The following SH2B1 variants were observed in gnomAD, a reference collection of about 807,000 sequenced individuals.
The protein encoded by SH2B1 is SH2B adapter protein 1.
In SH2B1, 15 loss-of-function variants were observed where a neutral mutation model predicts 62.6. That is an observed-to-expected ratio of 0.24 (90% CI 0.16 to 0.37). The LOEUF is 0.37. Among genes scored for constraint, SH2B1 ranks in the 10% least tolerant of loss-of-function variants. SH2B1 has a pLI of 1.00. For missense variants in SH2B1, 925 were observed against 1,015.6 expected (o/e 0.91, Z 1.21); for synonymous variants, 443 against 438.0 (o/e 1.01, Z -0.14).
At chr16:28,846,958 A>G (rs1961986084) in intron 1 of SH2B1, 1 of 152,788 alleles carries the variant, frequency 6.5e-6, no homozygotes, top group African/African-American at 2.4e-5. Context: ...CCTGACATCT[A>G]GCCCTGAGAG....
chr16:28,855,798 C>G (rs1198047423), intron 1 of SH2B1, among the ~76,000 whole-genome samples: 1 of 141,280 alleles, frequency 7.1e-6, no homozygotes, highest in African/African-American at 2.6e-5. Context: ...CGCCAGCACG[C>G]CCGGCTAATT....
chr16:28,867,459 G>T, intron 2 of SH2B1, 27 bp downstream of exon 2: 1 of 1,556,496 alleles, frequency 6.4e-7, no homozygotes, highest in Non-Finnish European at 8.9e-7. Context: ...CCAGCCGCCG[G>T]CAGTGCTTGT....
At position 28,867,257 on chromosome 16, in the gene SH2B1, T is replaced by C. The variant is rs1296318486; in HGVS notation, c.940-74T>C. 4.5e-6 allele frequency: 6 copies of C among 1,319,904 alleles called. No individual in the cohort carries two copies. In the Admixed American group the frequency reaches 5.1e-5, roughly 11 times the overall value. The allele number at this position is 1,319,904 out of a possible 1,614,324, so 81.8% of individuals were successfully genotyped here. On this transcript the variant is annotated intron_variant, in intron 1 of 7. Transcript: ENST00000684370. ...CTTCCCGAGGATGTAGAAGGAAAGA[T>C]GAATGTCTGGAGGGAGGGGAAGAGT...
chr16:28,873,769 A>G lies in SH2B1; in HGVS notation c.2220A>G (p.Gly740=). The G allele has an allele frequency of 2.0e-6, 3 of 1,471,846 alleles. No individual in the cohort carries two copies. Among genetic ancestry groups the G allele is most frequent in the Non-Finnish European group, 1.8e-6 (2 of 1,112,714 alleles). The allele number at this position is 1,471,846 out of a possible 1,614,324, so 91.2% of individuals were successfully genotyped here. The part of the protein sequence containing the change: ...QLQQSPLGGD[G]EEGGHPRAIN... Reference sequence around the variant, plus strand: ...AGCAGTCACCACTAGGGGGTGATGGAGAGGAAGGGGGCCACCCCAGGGCCA... The same window carrying G: ...AGCAGTCACCACTAGGGGGTGATGGGGAGGAAGGGGGCCACCCCAGGGCCA... The change falls in exon 8 of 8, where the codon GGA becomes GGG. Residue 740 remains glycine, a synonymous_variant. Transcript: ENST00000684370. The surrounding 1 kb of genome is among the most constrained non-coding windows in gnomAD (Gnocchi z 4.2).
chr16:28,866,115 A>G lies in SH2B1; in HGVS notation c.21A>G (p.Pro7=). 2 of 1,577,398 alleles carry G rather than the reference A, an allele frequency of 1.3e-6. No homozygotes were observed. The highest frequency in any genetic ancestry group is 1.7e-6 in the Non-Finnish European group (2 of 1,164,968). ...CCATCATGAATGGTGCCCCTTCCCC[A>G]GAGGACGGGGCCTCCCCCTCGTCTC... MNGAPS[P]EDGASPSSPP... The change falls in exon 1 of 8, where the codon CCA becomes CCG. Residue 7 remains proline, a synonymous_variant. Coordinates refer to ENST00000684370, the MANE Select transcript of SH2B1 (RefSeq NM_001387430.1). The surrounding 1 kb of genome is among the most constrained non-coding windows in gnomAD (Gnocchi z 6.3).
intron 1 of SH2B1, among the ~76,000 whole-genome samples, chr16:28,847,733 C>T (rs1479474866): frequency 6.6e-6 from 1 of 151,282 alleles, no homozygotes; most frequent in Non-Finnish European, 1.5e-5. Flanking sequence ...GCAGGAGGAT[C>T]GCCTGAGCTC....
chr16:28,852,959 G>A (rs1240026829), intron 1 of SH2B1, among the ~76,000 whole-genome samples: 1 of 40,980 alleles, frequency 2.4e-5, no homozygotes, highest in Non-Finnish European at 5.1e-5. Flanking sequence ...TTTTATATAT[G>A]TACATATATA....
upstream of SH2B1, among the ~76,000 whole-genome samples, chr16:28,860,214 G>A (rs963698866): frequency 6.7e-6 from 1 of 150,352 alleles, no homozygotes; most frequent in African/African-American, 2.5e-5. Context: ...AAACTGTGTA[G>A]AACATCTCTC....
intron 1 of SH2B1, among the ~76,000 whole-genome samples, chr16:28,852,688 ATATT>A (rs1385567559): frequency 1.2e-5 from 1 of 80,868 alleles, no homozygotes; most frequent in Non-Finnish European, 2.2e-5. Flanking sequence ...ATTTACATAT[ATATT>A]TATATATATA....
At chr16:28,870,868 T>C (rs1962986565) in intron 4 of SH2B1, among the ~76,000 whole-genome samples, 1 of 152,022 alleles carries the variant, frequency 6.6e-6, no homozygotes. Flanking sequence ...TTATTTTTTG[T>C]AAGAGATGGG....
At chr16:28,860,647 C>A (rs1462379648), upstream of SH2B1, among the ~76,000 whole-genome samples, 1 of 152,144 alleles carries the variant, frequency 6.6e-6, no homozygotes, top group Non-Finnish European at 1.5e-5. Flanking sequence ...GTTATCAATG[C>A]CTTCTAGAGA....
Position 28,873,198 on chromosome 16 carries a change from G to C in SH2B1, c.1898-249G>C. 6.3e-7 allele frequency: 1 copy of C among 1,595,466 alleles called. No individual in the cohort carries two copies. On this transcript the variant is annotated intron_variant, in intron 7 of 7. Transcript: ENST00000684370. This position sits in a 1 kb window ranked among gnomAD's most constrained non-coding sequence, Gnocchi z 4.2. Reference sequence around the variant, plus strand: ...GGGAGCAGGCTGGGAGCCATGCGGGGGTGTGCGAGGGAGATGGATGCCACC... The same window carrying C: ...GGGAGCAGGCTGGGAGCCATGCGGGCGTGTGCGAGGGAGATGGATGCCACC...
At chr16:28,868,640 TAG>T (rs1231929457) in intron 2 of SH2B1, among the ~76,000 whole-genome samples, 1 of 152,134 alleles carries the variant, frequency 6.6e-6, no homozygotes. Flanking sequence ...TTGTTTTTAG[TAG>T]AGACAGGGTT....
At chr16:28,853,956 C>T (rs950951661) in intron 1 of SH2B1, among the ~76,000 whole-genome samples, 1 of 136,154 alleles carries the variant, frequency 7.3e-6, no homozygotes, top group African/African-American at 2.8e-5. Context: ...GAGCCAAGAT[C>T]GCACCACTGC....
chr16:28,873,151 A>C lies in SH2B1; in HGVS notation c.1898-296A>C. On this transcript the variant is annotated intron_variant, in intron 7 of 7. Transcript: ENST00000684370. The surrounding 1 kb of genome is among the most constrained non-coding windows in gnomAD (Gnocchi z 4.2). The stretch of plus-strand genomic sequence containing the variant: ...CTGCCCCACCGTCCCATCTGTCCCC[A>C]CGTTGCCCCTCCCCCCAGGCCGGGA... 1 of 1,521,328 alleles carries C rather than the reference A, an allele frequency of 6.6e-7. No homozygotes were observed. The highest frequency in any genetic ancestry group is 2.2e-5 in the Admixed American group (1 of 46,266). The allele number at this position is 1,521,328 out of a possible 1,614,324, so 94.2% of individuals were successfully genotyped here. A position where few individuals can be genotyped will look rare whatever the true frequency, so the allele number is the denominator to read the frequency against.
intron 1 of SH2B1, among the ~76,000 whole-genome samples, chr16:28,854,330 G>A (rs1370466807): frequency 6.6e-6 from 1 of 151,932 alleles, no homozygotes; most frequent in Non-Finnish European, 1.5e-5. Flanking sequence ...ATAAAATATT[G>A]ACCATAAATG....
rs1453947167 is a variant in SH2B1 at position 28,873,886 on chromosome 16, G to A, written c.*66G>A. The A allele has an allele frequency of 7.4e-7, 1 of 1,345,398 alleles. No homozygotes were observed. The allele number at this position is 1,345,398 out of a possible 1,614,324, so 83.3% of individuals were successfully genotyped here. On this transcript the variant is annotated 3_prime_UTR_variant, in exon 8 of 8. Transcript: ENST00000684370. The surrounding 1 kb of genome is among the most constrained non-coding windows in gnomAD (Gnocchi z 4.2). ...CTGCTCGTGAGATTGGGCTGGGTAG[G>A]GACAGAGGAGGCCGAAATCCCTCCC...
At chr16:28,851,491 GCT>G (rs1356269305) in intron 1 of SH2B1, among the ~76,000 whole-genome samples, 1 of 143,550 alleles carries the variant, frequency 7.0e-6, no homozygotes, top group African/African-American at 2.6e-5. Context: ...ATGGAGTCTT[GCT>G]CTGTCACCCA....
intron 1 of SH2B1, among the ~76,000 whole-genome samples, chr16:28,853,521 TC>T (rs1962255198): frequency 8.0e-6 from 1 of 125,194 alleles, no homozygotes; most frequent in Non-Finnish European, 1.8e-5. Flanking sequence ...CCCCACTTTT[TC>T]TTTTTTTTTT....
Sources: gnomAD v4.1 joint callset for allele counts (sites outside exome capture counted in the v4.1 genomes callset) on GRCh38, gnomAD v4.1.1 for gene constraint, Gnocchi (gnomAD v3.1) non-coding constraint, MANE v1.5 for transcripts, NCBI Gene and HGNC (gene_info 2026-07-23, HGNC 2026-07-21) for gene names.